PCDHA5: variants seen among roughly 807,000 people sequenced by gnomAD.
PCDHA5 encodes protocadherin alpha-5.
Under a neutral mutation model 61.6 loss-of-function variants are expected in PCDHA5, and 43 were observed. The ratio of observed to expected loss-of-function variants is 0.70; its 90% CI spans 0.55 to 0.90. PCDHA5 has a LOEUF of 0.90. Ranked by LOEUF, PCDHA5 falls within the 40% of genes least tolerant of loss-of-function variation. The pLI, the probability that PCDHA5 is intolerant of heterozygous loss-of-function variation, is 0.00. For missense variants in PCDHA5, 1,298 were observed against 1,222.7 expected (o/e 1.06, Z -0.92); for synonymous variants, 627 against 543.9 (o/e 1.15, Z -2.13).
intron 1 of PCDHA5, chr5:140,866,690 A>G (rs1371582983): frequency 1.3e-5 from 2 of 152,178 alleles, no homozygotes; most frequent in Non-Finnish European, 2.9e-5. Flanking sequence ...CTGTTAGAAT[A>G]TCAGTGGATG....
At chr5:140,946,857 G>T (rs2094041766) in intron 1 of PCDHA5, among the ~76,000 whole-genome samples, 1 of 151,296 alleles carries the variant, frequency 6.6e-6, no homozygotes, top group Non-Finnish European at 1.5e-5. Flanking sequence ...GAGAGATTGA[G>T]GAGAGGTTGG....
chr5:140,966,852 T>C, intron 1 of PCDHA5: 1 of 1,572,518 alleles, frequency 6.4e-7, no homozygotes, highest in South Asian at 1.1e-5. Flanking sequence ...CTGCCTCTCC[T>C]GCTGCTGTTG....
intron 1 of PCDHA5, chr5:140,858,108 C>A (rs781859966): frequency 3.1e-6 from 5 of 1,597,590 alleles, no homozygotes; most frequent in Non-Finnish European, 4.3e-6. Context: ...GGCGTGGCGC[C>A]CGAGGTGGCC....
intron 1 of PCDHA5, chr5:140,850,098 G>A: frequency 6.3e-7 from 1 of 1,596,440 alleles, no homozygotes; most frequent in South Asian, 1.1e-5. Context: ...ACAGTTCCAG[G>A]TGAGCGCGCG....
At chr5:140,956,666 G>C (rs1232573740) in intron 1 of PCDHA5, among the ~76,000 whole-genome samples, 2 of 152,088 alleles carry the variant, frequency 1.3e-5, no homozygotes, top group African/African-American at 4.8e-5. Context: ...GGCCTTAAAG[G>C]AGTTAGGGAG....
chr5:140,875,443 G>A, intron 1 of PCDHA5: 1 of 1,580,070 alleles, frequency 6.3e-7, no homozygotes. Flanking sequence ...AAAACTGATT[G>A]TCCCAACTCA....
intron 1 of PCDHA5, among the ~76,000 whole-genome samples, chr5:140,892,982 A>G (rs1430280813): frequency 2.0e-5 from 3 of 152,238 alleles, no homozygotes; most frequent in Non-Finnish European, 4.4e-5. Context: ...TAGCTGCCGT[A>G]TAAGTGAGAA....
intron 1 of PCDHA5, among the ~76,000 whole-genome samples, chr5:140,913,322 T>G (rs1348973730): frequency 6.6e-6 from 1 of 152,190 alleles, no homozygotes; most frequent in Non-Finnish European, 1.5e-5. Context: ...GTAAGTTGTA[T>G]GTGTCTAGGA....
rs1408696060 is a variant in PCDHA5 at position 140,822,232 on chromosome 5, C to T, written c.457C>T (p.Leu153=). 2 of 1,614,214 alleles carry T rather than the reference C, an allele frequency of 1.2e-6. No homozygotes were observed. The highest frequency in any genetic ancestry group is 3.3e-5 in the Admixed American group (2 of 60,030). ...AAGAATGCCAGATTCGCGGTTTCCGCTAGAGGGCGCGTCGGATTTGGATAT... is the reference window on the plus strand; with the variant it reads ...AAGAATGCCAGATTCGCGGTTTCCGTTAGAGGGCGCGTCGGATTTGGATAT... ...ESRMPDSRFP[L]EGASDLDIGA... is the part of the protein sequence containing the mutation. Residue 153 remains leucine, a synonymous_variant, in exon 1 of 4, where the codon CTA becomes TTA. Coordinates refer to ENST00000529859, the MANE Select transcript of PCDHA5 (RefSeq NM_018908.3).
intron 1 of PCDHA5, chr5:140,857,340 C>A (rs782392001): frequency 9.4e-6 from 15 of 1,598,236 alleles, no homozygotes; most frequent in Non-Finnish European, 1.2e-5. Context: ...GACGGGGGCT[C>A]GCCTCCGCTG....
chr5:140,943,616 C>T (rs1221074220), intron 1 of PCDHA5, among the ~76,000 whole-genome samples: 3 of 152,048 alleles, frequency 2.0e-5, no homozygotes, highest in African/African-American at 7.3e-5. Context: ...TTTGATTCAT[C>T]TGCATAAGGA....
chr5:140,876,899 C>T (rs781884794), intron 1 of PCDHA5: 2 of 1,614,092 alleles, frequency 1.2e-6, no homozygotes, highest in South Asian at 2.2e-5. Context: ...CACATCTTCA[C>T]GGTGTCGGCA....
chr5:140,926,912 C>A, intron 1 of PCDHA5: 1 of 1,561,732 alleles, frequency 6.4e-7, no homozygotes. Context: ...TGTGGGGTGG[C>A]AGTTTTATGT....
chr5:140,899,672 T>C (rs1280165974), intron 1 of PCDHA5, among the ~76,000 whole-genome samples: 1 of 152,218 alleles, frequency 6.6e-6, no homozygotes, highest in Non-Finnish European at 1.5e-5. Flanking sequence ...CCGGCTTTGG[T>C]ATCAGGATGA....
intron 1 of PCDHA5, among the ~76,000 whole-genome samples, chr5:140,901,369 C>G (rs1366309820): frequency 1.3e-5 from 2 of 152,120 alleles, no homozygotes; most frequent in African/African-American, 2.4e-5. Flanking sequence ...GTCTTTAATC[C>G]ATTTTAATTC....
rs145079458 is a variant in PCDHA5, at chr5:140,855,999, T to C, written c.2352+31872T>C. 135 of 1,513,714 alleles carry C rather than the reference T, an allele frequency of 8.9e-5. 2 individuals are homozygous for C. The East Asian group carries it at 2.5e-3, about 28-fold the overall frequency. 93.8% of individuals were successfully genotyped at this position (1,513,714 alleles called of 1,614,324 possible). On this transcript the variant is annotated intron_variant, in intron 1 of 3. Transcript: ENST00000529859. ...AGGACAGAAAATGTCAGATCGTATG[T>C]GCGTTCTAGACCGCTGATTCGTCGA... is the stretch of plus-strand genomic sequence containing the variant.
chr5:140,888,583 G>C (rs2061886743), intron 1 of PCDHA5, among the ~76,000 whole-genome samples: 1 of 152,184 alleles, frequency 6.6e-6, no homozygotes, highest in African/African-American at 2.4e-5. Flanking sequence ...AGATTTGTTA[G>C]TACACATTCA....
chr5:140,967,127 T>C (rs155808), intron 1 of PCDHA5: 558,768 of 1,612,332 alleles, frequency 0.35, 98,550 homozygotes, highest in East Asian at 0.51. Flanking sequence ...CCTGCTCAGC[T>C]TGGAAGTGCT....
At position 140,851,914 on chromosome 5, in the gene PCDHA5, A is replaced by G. The variant is rs1213624827; in HGVS notation, c.2352+27787A>G. 6 of 969,578 alleles carry G rather than the reference A, an allele frequency of 6.2e-6. No individual in the cohort carries two copies. The African/African-American group carries it at 7.1e-5, about 11-fold the overall frequency. 60.1% of individuals were successfully genotyped at this position (969,578 alleles called of 1,614,324 possible). On this transcript the variant is annotated intron_variant, in intron 1 of 3. Coordinates refer to ENST00000529859, the MANE Select transcript of PCDHA5 (RefSeq NM_018908.3). ...AGATTTGCCTCTTTAATGTCACTAC[A>G]TGTTATGTTTCCTGAATTGTAGTAT... is the stretch of plus-strand genomic sequence containing the variant.
Sources: allele counts gnomAD v4.1 joint callset (sites outside exome capture counted in the v4.1 genomes callset), GRCh38; gene constraint gnomAD v4.1.1; transcripts MANE v1.5; gene names NCBI Gene and HGNC (gene_info 2026-07-23, HGNC 2026-07-21).